The following CYP2C8 variants were observed in gnomAD, a reference collection of about 807,000 sequenced individuals.
The protein encoded by CYP2C8 is cytochrome P450 family 2 subfamily C member 8.
A neutral mutation model predicts 41.3 loss-of-function variants in CYP2C8; 51 were observed. That is an observed-to-expected ratio of 1.24 (90% CI 0.99 to 1.56). The LOEUF is 1.56. Among genes scored for constraint, CYP2C8 ranks in the 40% most tolerant of loss-of-function variants. CYP2C8 has a pLI of 0.00. For missense variants in CYP2C8, 651 were observed against 579.9 expected, an observed-to-expected ratio of 1.12 and a Z score of -1.26; for synonymous variants, 218 against 205.8, an observed-to-expected ratio of 1.06 and a Z score of -0.51.
chr10:95,057,277 C>G lies in CYP2C8; in HGVS notation c.819+1058G>C, dbSNP rs75340711. On this transcript the variant is annotated intron_variant, in intron 5 of 8. Coordinates refer to ENST00000371270, the MANE Select transcript of CYP2C8 (RefSeq NM_000770.3). ...CTCTGGAGTTGACTCCCACCTCCTA[C>G]CTCAGTTGCACAGTATTGTAATTAA... 5.4e-3 allele frequency among the ~76,000 whole-genome samples: 824 copies of G among 152,232 alleles called. 11 individuals are homozygous for G. Among genetic ancestry groups the G allele is most frequent in the African/African-American group, 0.019 (783 of 41,534 alleles).
intron 4 of CYP2C8, among the ~76,000 whole-genome samples, chr10:95,060,451 T>A (rs1240666500): frequency 2.0e-5 from 3 of 152,204 alleles, no homozygotes; most frequent in Non-Finnish European, 4.4e-5. Flanking sequence ...GTTTGTCTGT[T>A]ATTGGTGTAG....
Position 95,045,920 on chromosome 10 carries a change from A to G in CYP2C8, c.851T>C (p.Ile284Thr). The change falls in exon 6 of 9, where the codon ATT becomes ACT. Residue 284 changes from isoleucine to threonine, a missense_variant. By Grantham distance (89) the Ile-to-Thr change is moderately conservative. Coordinates refer to ENST00000371270, the MANE Select transcript of CYP2C8 (RefSeq NM_000770.3). The stretch of plus-strand genomic sequence containing the variant: ...AGCTACAGTGCCAACCAAGTTTTCA[A>G]TATTGAATTCTGACTTTTGGTTGTC... ...EKDNQKSEFN[I>T]ENLVGTVADL... The G allele has an allele frequency of 6.2e-7, 1 of 1,614,042 alleles. No individual in the cohort carries two copies. Among genetic ancestry groups the G allele is most frequent in the Non-Finnish European group, 8.5e-7 (1 of 1,179,904 alleles).
At chr10:95,042,362 A>T (rs923451911) in intron 7 of CYP2C8, among the ~76,000 whole-genome samples, 1 of 152,090 alleles carries the variant, frequency 6.6e-6, no homozygotes, top group Non-Finnish European at 1.5e-5. Flanking sequence ...TCATCAGAAT[A>T]GTATAATTGA....
rs1196242973 is a variant in CYP2C8 at position 95,058,322 on chromosome 10, G to T, written c.819+13C>A. ...CAAGAAATCAAAATACTGATCTGTT[G>T]CTAATATCTTACCTGCTCCATTTTG... is the stretch of plus-strand genomic sequence containing the variant. On this transcript the variant is annotated intron_variant, in intron 5 of 8. Transcript: ENST00000371270. The T allele has an allele frequency of 1.2e-6, 2 of 1,612,276 alleles. No homozygotes were observed. Among genetic ancestry groups the T allele is most frequent in the African/African-American group, 2.7e-5 (2 of 74,840 alleles).
intron 5 of CYP2C8, among the ~76,000 whole-genome samples, chr10:95,055,306 C>A (rs533066326): frequency 6.6e-6 from 1 of 152,090 alleles, no homozygotes; most frequent in South Asian, 2.1e-4. Context: ...CATCTATGCC[C>A]GGTTCATTTT....
At chr10:95,044,751 G>A (rs757390478) in intron 6 of CYP2C8, among the ~76,000 whole-genome samples, 2 of 152,248 alleles carry the variant, frequency 1.3e-5, no homozygotes, top group Non-Finnish European at 2.9e-5. Context: ...CCTGATAAAA[G>A]GAGTTATGGA....
chr10:95,044,840 C>A (rs538733667), intron 6 of CYP2C8, among the ~76,000 whole-genome samples: 7 of 152,284 alleles, frequency 4.6e-5, no homozygotes, highest in East Asian at 1.9e-4. Flanking sequence ...AAATACTGAA[C>A]CTTATGAGAA....
intron 5 of CYP2C8, among the ~76,000 whole-genome samples, chr10:95,056,388 C>T (rs766370101): frequency 8.5e-5 from 13 of 152,112 alleles, no homozygotes; most frequent in Admixed American, 1.3e-4. Flanking sequence ...CCAGAAATAA[C>T]ACTCCTAGGA....
chr10:95,069,148 G>C, intron 1 of CYP2C8, 87 bp downstream of exon 1: 2 of 1,402,902 alleles, frequency 1.4e-6, no homozygotes, highest in Non-Finnish European at 2.0e-6. Flanking sequence ...TTATAATAGT[G>C]TGCTTCCAGG....
chr10:95,042,786 A>T, intron 7 of CYP2C8, 104 bp downstream of exon 7: 1 of 937,016 alleles, frequency 1.1e-6, no homozygotes, highest in Middle Eastern at 2.1e-4. Flanking sequence ...CACATGTATG[A>T]GTTTTGCACT....
At chr10:95,042,388 C>A in intron 7 of CYP2C8, among the ~76,000 whole-genome samples, 1 of 133,612 alleles carries the variant, frequency 7.5e-6, no homozygotes, top group African/African-American at 3.0e-5. Flanking sequence ...ATTACTTATA[C>A]CAATTACAAA....
rs558509225 is a variant in CYP2C8, at chr10:95,058,136, G to T, written c.819+199C>A. ...AGATTATTTTTATTTCAAGAAGAGG[G>T]TCTATGCATTCTAGCCATTGGACAA... is the stretch of plus-strand genomic sequence containing the variant. On this transcript the variant is annotated intron_variant, in intron 5 of 8. Coordinates refer to ENST00000371270, the MANE Select transcript of CYP2C8 (RefSeq NM_000770.3). Among the ~76,000 whole-genome samples the T allele has an allele frequency of 3.3e-5, 5 of 152,158 alleles. No individual in the cohort carries two copies. The South Asian group carries it at 1.0e-3, about 32-fold the overall frequency.
intron 5 of CYP2C8, among the ~76,000 whole-genome samples, chr10:95,057,015 T>G (rs935197931): frequency 6.6e-6 from 1 of 152,196 alleles, no homozygotes; most frequent in Non-Finnish European, 1.5e-5. Flanking sequence ...CAGGGCAGTT[T>G]TGTGGTCATT....
At chr10:95,068,713 G>T in intron 1 of CYP2C8, 1 of 846,058 alleles carries the variant, frequency 1.2e-6, no homozygotes, top group South Asian at 1.4e-5. Flanking sequence ...CAATGTTTCT[G>T]TATTCACAAA....
chr10:95,042,787 G>A, intron 7 of CYP2C8, 103 bp downstream of exon 7: 1 of 975,374 alleles, frequency 1.0e-6, no homozygotes, highest in Non-Finnish European at 1.7e-6. Flanking sequence ...ACATGTATGA[G>A]TTTTGCACTT....
intron 5 of CYP2C8, among the ~76,000 whole-genome samples, chr10:95,056,731 A>G (rs1427936296): frequency 1.3e-5 from 2 of 152,202 alleles, no homozygotes; most frequent in Non-Finnish European, 2.9e-5. Context: ...TTACTACATG[A>G]TGGAGTTGGG....
At position 95,067,523 on chromosome 10, in the gene CYP2C8, A is replaced by T. The variant is rs754076612; in HGVS notation, c.331+6T>A. On this transcript the variant is annotated splice_donor_region_variant and intron_variant, in intron 2 of 8. Transcript: ENST00000371270. ...CCAAAGCTGACACAGAAATATGTGCACCTACCAAGTCCTTTAGTAATTCTT... is the reference window on the plus strand; with the variant it reads ...CCAAAGCTGACACAGAAATATGTGCTCCTACCAAGTCCTTTAGTAATTCTT... 1.9e-6 allele frequency: 3 copies of T among 1,614,122 alleles called. No individual in the cohort carries two copies. Among genetic ancestry groups the T allele is most frequent in the Non-Finnish European group, 2.5e-6 (3 of 1,180,014 alleles).
chr10:95,050,945 C>A (rs749501503), intron 5 of CYP2C8, among the ~76,000 whole-genome samples: 2 of 152,108 alleles, frequency 1.3e-5, no homozygotes, highest in Non-Finnish European at 2.9e-5. Flanking sequence ...CGATGAATAT[C>A]TACAAGTATA....
intron 6 of CYP2C8, among the ~76,000 whole-genome samples, chr10:95,045,492 A>C (rs1160116232): frequency 6.6e-6 from 1 of 152,228 alleles, no homozygotes; most frequent in African/African-American, 2.4e-5. Flanking sequence ...TGGACTTTTC[A>C]TAATAAAACC....
Sources: gnomAD v4.1 joint callset for allele counts (sites outside exome capture counted in the v4.1 genomes callset) on GRCh38, gnomAD v4.1.1 for gene constraint, MANE v1.5 for transcripts, NCBI Gene and HGNC (gene_info 2026-07-23, HGNC 2026-07-21) for gene names.